Variants in OR1J2 observed in about 807,000 individuals in gnomAD.
OR1J2 encodes olfactory receptor 1J2.
For synonymous variants in OR1J2, 142 were observed against 99.7 expected, an observed-to-expected ratio of 1.42 and a Z score of -2.52; for missense variants, 304 against 246.1, an observed-to-expected ratio of 1.24 and a Z score of -1.57.
At chr9:122,471,573 T>TGACCC in the OR1J2 span, among the ~76,000 whole-genome samples, 1 of 152,340 alleles carries the variant, frequency 6.6e-6, no homozygotes, top group Admixed American at 6.5e-5. Context: ...AAATAAAGAA[T>TGACCC]GACCCTTATG....
At chr9:122,474,988 C>A in the OR1J2 span, 1 of 152,204 alleles carries the variant, frequency 6.6e-6, no homozygotes, top group Non-Finnish European at 1.5e-5. Context: ...GGTGGCTTGT[C>A]ATTTTGTGCA....
the OR1J2 span, chr9:122,526,788 G>C: frequency 6.2e-7 from 1 of 1,614,112 alleles, no homozygotes; most frequent in East Asian, 2.2e-5. Flanking sequence ...AATTTCCCCA[G>C]TCACACAGAA....
the OR1J2 span, among the ~76,000 whole-genome samples, chr9:122,577,927 A>T: frequency 1.3e-5 from 2 of 152,182 alleles, no homozygotes; most frequent in East Asian, 3.8e-4. Context: ...TTAATTATTT[A>T]TATTGTCTAT....
At chr9:122,478,785 T>C in the OR1J2 span, among the ~76,000 whole-genome samples, 1 of 152,198 alleles carries the variant, frequency 6.6e-6, no homozygotes, top group African/African-American at 2.4e-5. Flanking sequence ...TTTTTTTGTT[T>C]GTTTGTTTGT....
chr9:122,539,184 T>C, the OR1J2 span, among the ~76,000 whole-genome samples: 1 of 152,314 alleles, frequency 6.6e-6, no homozygotes, highest in South Asian at 2.1e-4. Context: ...TTGTTACATA[T>C]GTATACATGT....
the OR1J2 span, among the ~76,000 whole-genome samples, chr9:122,547,620 A>AGTGTGTGT: frequency 0.016 from 2,288 of 142,962 alleles, 33 homozygotes; most frequent in African/African-American, 0.039. Flanking sequence ...GTAGTAGTTC[A>AGTGTGTGT]GTGTGTGTGT....
chr9:122,484,188 A>G, the OR1J2 span, among the ~76,000 whole-genome samples: 1 of 152,002 alleles, frequency 6.6e-6, no homozygotes. Context: ...TTTGAGACAA[A>G]GTCTCGCTCT....
chr9:122,510,424 T>C (rs1017861132), upstream of OR1J2, among the ~76,000 whole-genome samples: 3 of 152,184 alleles, frequency 2.0e-5, 1 homozygote, highest in African/African-American at 7.2e-5. Context: ...TTTTCTAGTT[T>C]TCTTACATAA....
the OR1J2 span, among the ~76,000 whole-genome samples, chr9:122,503,358 G>A: frequency 5.9e-5 from 9 of 152,198 alleles, no homozygotes; most frequent in Non-Finnish European, 1.0e-4. Flanking sequence ...AACATATTGA[G>A]GGCTCAGCAT....
chr9:122,483,004 A>G, the OR1J2 span, among the ~76,000 whole-genome samples: 1 of 152,170 alleles, frequency 6.6e-6, no homozygotes, highest in Non-Finnish European at 1.5e-5. Context: ...AGAAGAGAGG[A>G]TTTTGAATGT....
At chr9:122,545,829 A>G in the OR1J2 span, among the ~76,000 whole-genome samples, 1 of 152,096 alleles carries the variant, frequency 6.6e-6, no homozygotes, top group South Asian at 2.1e-4. Context: ...AAAATACCAG[A>G]CTGGGAATTA....
the OR1J2 span, among the ~76,000 whole-genome samples, chr9:122,561,469 A>T: frequency 6.6e-6 from 1 of 152,026 alleles, no homozygotes; most frequent in Non-Finnish European, 1.5e-5. Context: ...TCTCATCTTC[A>T]TGAGTTTGTC....
chr9:122,495,991 C>T, the OR1J2 span, among the ~76,000 whole-genome samples: 1 of 152,146 alleles, frequency 6.6e-6, no homozygotes, highest in African/African-American at 2.4e-5. Context: ...CTACCAGGCC[C>T]TGGGATGGTA....
the OR1J2 span, among the ~76,000 whole-genome samples, chr9:122,486,832 C>T: frequency 6.6e-6 from 1 of 152,192 alleles, no homozygotes; most frequent in Non-Finnish European, 1.5e-5. Context: ...GTATTGCCTC[C>T]AGCAGAGCAT....
chr9:122,554,050 T>A, the OR1J2 span: 4 of 1,613,718 alleles, frequency 2.5e-6, no homozygotes, highest in African/African-American at 5.3e-5. Context: ...GCTGCTGTTC[T>A]CTATATGGTG....
chr9:122,464,349 C>G, the OR1J2 span, among the ~76,000 whole-genome samples: 1 of 152,288 alleles, frequency 6.6e-6, no homozygotes, highest in East Asian at 1.9e-4. Flanking sequence ...TCTAGGTAGC[C>G]GGTGAGCAGG....
At chr9:122,507,001 T>C (rs1828532874), upstream of OR1J2, among the ~76,000 whole-genome samples, 1 of 152,212 alleles carries the variant, frequency 6.6e-6, no homozygotes, top group African/African-American at 2.4e-5. Context: ...CTTCATTGGC[T>C]ATAAAAATTA....
chr9:122,453,132 A>G, the OR1J2 span, among the ~76,000 whole-genome samples: 1 of 151,588 alleles, frequency 6.6e-6, no homozygotes, highest in East Asian at 1.9e-4. Flanking sequence ...GCCTTCCACT[A>G]TGAGTAAAAC....
chr9:122,563,313 A>G, the OR1J2 span, among the ~76,000 whole-genome samples: 1 of 151,910 alleles, frequency 6.6e-6, no homozygotes, highest in Non-Finnish European at 1.5e-5. Context: ...ACAATAATTT[A>G]TTGTATATTT....
Sources: gnomAD v4.1 joint callset for allele counts (sites outside exome capture counted in the v4.1 genomes callset) on GRCh38, gnomAD v4.1.1 for gene constraint, MANE v1.5 for transcripts, NCBI Gene and HGNC (gene_info 2026-07-23, HGNC 2026-07-21) for gene names.